Variants in CYP2B6 observed in about 807,000 individuals in gnomAD.
The protein encoded by CYP2B6 is cytochrome P450 2B6.
A neutral mutation model predicts 43.4 loss-of-function variants in CYP2B6; 35 were observed. The observed-to-expected ratio is 0.81, with a 90% CI of 0.62 to 1.07. The LOEUF (loss-of-function observed/expected upper bound fraction) is 1.07. Among genes scored for constraint, CYP2B6 ranks in the 50% least tolerant of loss-of-function variants. CYP2B6 has a pLI of 0.00. For synonymous variants in CYP2B6, 239 were observed against 239.2 expected (o/e 1.00, Z 0.01); for missense variants, 624 against 632.8 (o/e 0.99, Z 0.15).
At position 41,012,396 on chromosome 19, in the gene CYP2B6, G is replaced by A. The variant is rs769787099; in HGVS notation, c.1063G>A (p.Glu355Lys). ...GCCATACACAGAGGCAGTCATCTAT[G>A]AGATTCAGAGATTTTCCGACCTTCT... is the stretch of plus-strand genomic sequence containing the variant. ...KMPYTEAVIYEIQRFSDLLPM... is the reference protein window; with the variant it reads ...KMPYTEAVIYKIQRFSDLLPM... Residue 355 changes from glutamate to lysine, a missense_variant, in exon 7 of 9, where the codon GAG becomes AAG. Glu to Lys is a moderately conservative substitution (Grantham distance 56). Transcript: ENST00000324071. 1 of 1,614,056 alleles carries A rather than the reference G, an allele frequency of 6.2e-7. No individual in the cohort carries two copies. Among genetic ancestry groups the A allele is most frequent in the East Asian group, 2.2e-5 (1 of 44,870 alleles).
chr19:41,004,582 G>T, intron 3 of CYP2B6, 136 bp downstream of exon 3: 1 of 997,564 alleles, frequency 1.0e-6, no homozygotes, highest in East Asian at 2.6e-5. Flanking sequence ...TCAGACAGAG[G>T]GATAGAGACA....
rs34883432 is a variant in CYP2B6 at position 40,991,367 on chromosome 19, A to T, written c.62A>T (p.Gln21Leu). Residue 21 changes from glutamine (Q) to leucine (L), a missense_variant, in exon 1 of 9, where the codon CAG becomes CTG. Transcript: ENST00000324071. ...LLTGLLLLLV[Q>L]RHPNTHDRLP... is the part of the protein sequence containing the mutation. ...ACAGGACTCTTGCTACTCCTGGTTC[A>T]GCGCCACCCTAACACCCATGACCGC... 5.2e-3 allele frequency: 8,416 copies of T among 1,614,030 alleles called. 31 individuals carry two copies. Among genetic ancestry groups the T allele is most frequent in the Middle Eastern group, 8.4e-3 (51 of 6,058 alleles).
rs751034715 is a variant in CYP2B6 at position 41,012,436 on chromosome 19, C to T, written c.1103C>T (p.Pro368Leu). ...TCCGACCTTCTCCCCATGGGTGTGC[C>T]CCACATTGTCACCCAACACACCAGC... ...RFSDLLPMGVPHIVTQHTSFR... is the reference protein window; with the variant it reads ...RFSDLLPMGVLHIVTQHTSFR... The change falls in exon 7 of 9, where the codon CCC (proline) becomes CTC (leucine). Residue 368 changes from proline to leucine, a missense_variant. Pro to Leu is a moderately conservative substitution (Grantham distance 98). Coordinates refer to ENST00000324071, the MANE Select transcript of CYP2B6 (RefSeq NM_000767.5). 17 of 1,614,034 alleles carry T rather than the reference C, an allele frequency of 1.1e-5. No homozygotes were observed. Among genetic ancestry groups the T allele is most frequent in the Non-Finnish European group, 1.4e-5 (16 of 1,179,964 alleles).
chr19:41,010,966 A>G (rs1351804226), intron 6 of CYP2B6, among the ~76,000 whole-genome samples: 10 of 152,190 alleles, frequency 6.6e-5, no homozygotes, highest in Non-Finnish European at 1.3e-4. Flanking sequence ...TCTTTAATTC[A>G]TTAATTAAAG....
In CYP2B6 at chr19:41,012,394, A is replaced by ATGAG. The variant is rs1568563210; in HGVS notation, c.1062_1065dup (p.Ile356Ter). The ATGAG allele has an allele frequency of 3.1e-6, 5 of 1,614,024 alleles. No individual in the cohort carries two copies. The South Asian group carries it at 5.5e-5, about 18-fold the overall frequency. ...ATGCCATACACAGAGGCAGTCATCT[A>ATGAG]TGAGATTCAGAGATTTTCCGACCTT... On this transcript the variant is annotated frameshift_variant, in exon 7 of 9. Transcript: ENST00000324071. LOFTEE classifies it high-confidence loss of function.
chr19:41,007,964 G>C (rs1398605689), intron 4 of CYP2B6, among the ~76,000 whole-genome samples: 1 of 151,694 alleles, frequency 6.6e-6, no homozygotes, highest in African/African-American at 2.4e-5. Context: ...CTCAGTCTTT[G>C]GTAAAGCTCT....
chr19:41,005,979 C>T (rs1349721597), intron 3 of CYP2B6, among the ~76,000 whole-genome samples: 1 of 151,644 alleles, frequency 6.6e-6, no homozygotes, highest in Non-Finnish European at 1.5e-5. Context: ...GCTGCACTAA[C>T]CTGATGTTCT....
rs199704872 is a variant in CYP2B6 at position 41,004,031 on chromosome 19, G to T, written c.202G>T (p.Val68Leu). Residue 68 changes from valine to leucine, a missense_variant, in exon 2 of 9, where the codon GTA becomes TTA. Transcript: ENST00000324071. ...AGAGAAATATGGGGACGTCTTCACGGTACACCTGGGACCGAGGCCCGTGGT... is the reference window on the plus strand; with the variant it reads ...AGAGAAATATGGGGACGTCTTCACGTTACACCTGGGACCGAGGCCCGTGGT... The part of the protein sequence containing the change: ...FREKYGDVFT[V>L]HLGPRPVVML... The T allele has an allele frequency of 6.2e-7, 1 of 1,613,580 alleles. No homozygotes were observed. Among genetic ancestry groups the T allele is most frequent in the East Asian group, 2.2e-5 (1 of 44,870 alleles).
chr19:40,992,923 G>T (rs1020971082), intron 1 of CYP2B6, among the ~76,000 whole-genome samples: 3 of 152,074 alleles, frequency 2.0e-5, no homozygotes, highest in Non-Finnish European at 4.4e-5. Flanking sequence ...AAACTTTGAG[G>T]AATGTGGACT....
intron 3 of CYP2B6, among the ~76,000 whole-genome samples, chr19:41,005,823 G>T (rs1396574409): frequency 6.6e-6 from 1 of 151,644 alleles, no homozygotes; most frequent in African/African-American, 2.4e-5. Flanking sequence ...ACGGCAGGGG[G>T]GAGACAAATA....
intron 1 of CYP2B6, 144 bp downstream of exon 1, chr19:40,991,620 G>A (rs1330440871): frequency 2.4e-6 from 2 of 846,686 alleles, no homozygotes; most frequent in South Asian, 1.3e-5. Context: ...GGTGAAGCAT[G>A]ATGGGTGGTA....
chr19:41,010,038 C>G lies in CYP2B6; in HGVS notation c.867C>G (p.Asn289Lys), dbSNP rs34277950. 242 of 1,614,170 alleles carry G rather than the reference C, an allele frequency of 1.5e-4. No homozygotes were observed. The highest frequency in any genetic ancestry group is 2.0e-4 in the Non-Finnish European group (239 of 1,180,030). Residue 289 changes from asparagine to lysine, a missense_variant, in exon 6 of 9, where the codon AAC becomes AAG. Transcript: ENST00000324071. ...AHSEFSHQNL[N>K]LNTLSLFFAG... is the part of the protein sequence containing the mutation. ...GTGAATTCAGCCACCAGAACCTCAA[C>G]CTCAACACGCTCTCGCTCTTCTTTG...
chr19:40,996,960 ACTGTC>A (rs1969007528), intron 1 of CYP2B6, among the ~76,000 whole-genome samples: 1 of 152,096 alleles, frequency 6.6e-6, no homozygotes, highest in South Asian at 2.1e-4. Context: ...GCACGGGGGC[ACTGTC>A]CTTGGAGGGG....
Position 41,018,382 on chromosome 19 carries a change from T to C in CYP2B6, c.*1555T>C, listed in dbSNP as rs530661030. ...GAATTAAATAAACATCTCTAAAGCC[T>C]GACCTCCCCACGTCAAGAGGTGATC... On this transcript the variant is annotated 3_prime_UTR_variant, in exon 9 of 9. Coordinates refer to ENST00000324071, the MANE Select transcript of CYP2B6 (RefSeq NM_000767.5). The C allele has an allele frequency of 3.0e-4, 46 of 152,368 alleles. No individual in the cohort carries two copies. Among genetic ancestry groups the C allele is most frequent in the African/African-American group, 1.1e-3 (44 of 41,582 alleles). 9.4% of individuals were successfully genotyped at this position (152,368 alleles called of 1,614,324 possible). A position where few individuals can be genotyped will look rare whatever the true frequency, so the allele number is the denominator to read the frequency against.
chr19:41,012,232 G>A lies in CYP2B6; in HGVS notation c.965-66G>A, dbSNP rs1407994411. On this transcript the variant is annotated intron_variant, in intron 6 of 8. Coordinates refer to ENST00000324071, the MANE Select transcript of CYP2B6 (RefSeq NM_000767.5). The stretch of plus-strand genomic sequence containing the variant: ...CCAAAATTGCTGGGATTACAGGCAT[G>A]AGCCACCATGCCTGGCCTGAAATGC... 34 of 1,511,270 alleles carry A rather than the reference G, an allele frequency of 2.2e-5. No individual in the cohort carries two copies. In the South Asian group the frequency reaches 2.8e-4, roughly 13 times the overall value. 93.6% of individuals were successfully genotyped at this position (1,511,270 alleles called of 1,614,324 possible). A position where few individuals can be genotyped will look rare whatever the true frequency, so the allele number is the denominator to read the frequency against.
chr19:41,006,325 ATTTTTT>A (rs35039672), intron 3 of CYP2B6, among the ~76,000 whole-genome samples: 1 of 118,538 alleles, frequency 8.4e-6, no homozygotes, highest in African/African-American at 3.3e-5. Flanking sequence ...GTCTAGCTAC[ATTTTTT>A]TTTTTTTTTT....
intron 1 of CYP2B6, among the ~76,000 whole-genome samples, chr19:40,997,852 C>A (rs530213239): frequency 6.6e-6 from 1 of 152,208 alleles, no homozygotes; most frequent in African/African-American, 2.4e-5. Context: ...GTAATCCCAA[C>A]ACTTTGGGAG....
Position 41,009,307 on chromosome 19 carries a change from T to C in CYP2B6, c.734T>C (p.Ile245Thr), listed in dbSNP as rs763793104. The C allele has an allele frequency of 7.4e-6, 12 of 1,612,522 alleles. No homozygotes were observed. Among genetic ancestry groups the C allele is most frequent in the East Asian group, 4.5e-5 (2 of 44,870 alleles). The part of the protein sequence containing the change: ...YKNLQEINAY[I>T]GHSVEKHRET... ...AACCTGCAGGAAATCAATGCTTACA[T>C]TGGCCACAGTGTGGAGAAGCACCGT... The change falls in exon 5 of 9, where the codon ATT (isoleucine) becomes ACT (threonine). Residue 245 changes from isoleucine to threonine, a missense_variant. Ile to Thr is a moderately conservative substitution (Grantham distance 89). Transcript: ENST00000324071.
chr19:41,009,458 G>T, intron 5 of CYP2B6, 63 bp downstream of exon 5: 1 of 1,369,238 alleles, frequency 7.3e-7, no homozygotes, highest in Non-Finnish European at 1.0e-6. Context: ...GAGGTGAGAA[G>T]AGGGAGGGAA....
Sources: allele counts gnomAD v4.1 joint callset (sites outside exome capture counted in the v4.1 genomes callset), GRCh38; gene constraint gnomAD v4.1.1; transcripts MANE v1.5; gene names NCBI Gene and HGNC (gene_info 2026-07-23, HGNC 2026-07-21).